The following ENTPD4 variants were observed in gnomAD, a reference collection of about 807,000 sequenced individuals.
ENTPD4 encodes the protein Golgi UDPase.
In ENTPD4, 60 loss-of-function variants were observed where a neutral mutation model predicts 79.1. That is an observed-to-expected ratio of 0.76 (90% confidence interval 0.62 to 0.94). The LOEUF (loss-of-function observed/expected upper bound fraction) is 0.94, where lower values mean the gene tolerates loss of function less well. Ranked by LOEUF, ENTPD4 falls within the 40% of genes least tolerant of loss-of-function variation. The pLI, the probability that ENTPD4 is intolerant of heterozygous loss-of-function variation, is 0.00. For missense variants in ENTPD4, 772 were observed against 775.1 expected, an observed-to-expected ratio of 1.00 and a Z score of 0.05; for synonymous variants, 276 against 292.0, an observed-to-expected ratio of 0.95 and a Z score of 0.56.
At chr8:23,444,721 T>C (rs933472235) in intron 4 of ENTPD4, 115 bp from the exon 5 acceptor site, 4 of 865,938 alleles carry the variant, frequency 4.6e-6, no homozygotes, top group African/African-American at 1.7e-5. Context: ...TTCCTTAGTT[T>C]TTCCTATCCT....
intron 1 of ENTPD4, among the ~76,000 whole-genome samples, chr8:23,453,900 C>A (rs573998026): frequency 6.6e-6 from 1 of 152,272 alleles, no homozygotes; most frequent in African/African-American, 2.4e-5. Flanking sequence ...TACATTTATG[C>A]AATGGAATAC....
intron 1 of ENTPD4, among the ~76,000 whole-genome samples, chr8:23,450,946 C>T (rs1039440699): frequency 6.6e-5 from 10 of 152,202 alleles, no homozygotes; most frequent in African/African-American, 2.2e-4. Context: ...TCCCACCAAG[C>T]TACACAAATC....
intron 1 of ENTPD4, among the ~76,000 whole-genome samples, chr8:23,451,022 CTT>C (rs34914268): frequency 8.7e-4 from 110 of 126,872 alleles, no homozygotes; most frequent in East Asian, 2.4e-3. Context: ...TTTTTCTTTT[CTT>C]TTTTTTTTTT....
At position 23,433,167 on chromosome 8, in the gene ENTPD4, A is replaced by T. The variant is rs368598181; in HGVS notation, c.1623-13T>A. On this transcript the variant is annotated splice_polypyrimidine_tract_variant and intron_variant, in intron 12 of 12. Transcript: ENST00000358689. ...CTGCTGGATGTCTCTGCCCATGTGA[A>T]CACCAAACAACAAACAGGACAGTAA... The T allele has an allele frequency of 6.2e-7, 1 of 1,611,430 alleles. No homozygotes were observed. Among genetic ancestry groups the T allele is most frequent in the African/African-American group, 1.3e-5 (1 of 74,842 alleles).
chr8:23,444,677 G>C, intron 4 of ENTPD4, 71 bp from the exon 5 acceptor site: 2 of 1,380,420 alleles, frequency 1.4e-6, no homozygotes, highest in Non-Finnish European at 2.0e-6. Context: ...CTTCAGAGTG[G>C]CTAATTTTAG....
In ENTPD4 at chr8:23,432,494, TA is replaced by T; in HGVS notation, c.*431del. 1.0e-6 allele frequency: 1 copy of T among 977,960 alleles called. No homozygotes were observed. Among genetic ancestry groups the T allele is most frequent in the Non-Finnish European group, 1.2e-6 (1 of 831,400 alleles). The allele number at this position is 977,960 out of a possible 1,614,324, so 60.6% of individuals were successfully genotyped here. On this transcript the variant is annotated 3_prime_UTR_variant, in exon 13 of 13. Transcript: ENST00000358689. The stretch of plus-strand genomic sequence containing the variant: ...CAATACTTCTAGACAGCAGGGCTTA[TA>T]AACAATGCATTTTTTTTTTTTGAGA...
rs1585398793 is a variant in ENTPD4 at position 23,432,970 on chromosome 8, T to C, written c.1807A>G (p.Met603Val). 2.5e-6 allele frequency: 4 copies of C among 1,612,928 alleles called. No homozygotes were observed. Among genetic ancestry groups the C allele is most frequent in the Middle Eastern group, 1.7e-4 (1 of 6,058 alleles). Residue 603 changes from methionine (M) to valine (V), a missense_variant, in exon 13 of 13, where the codon ATG becomes GTG. Transcript: ENST00000358689. The stretch of plus-strand genomic sequence containing the variant: ...TTCTGGGCGGGAAGGCCCTCCTCCA[T>C]CCAGAGGGCGGCGGCCGAGCTGCTC... ...PRSSSAAALW[M>V]EEGLPAQNAP... is the part of the protein sequence containing the mutation.
Position 23,430,868 on chromosome 8 carries a change from GT to G in ENTPD4, c.*2057del. ...CAATAATCCATGGCTCCTCCAGGAA[GT>G]GTCGCAGGCAGGTGGCCAAGACCAA... On this transcript the variant is annotated 3_prime_UTR_variant, in exon 13 of 13. Coordinates refer to ENST00000358689, the MANE Select transcript of ENTPD4 (RefSeq NM_004901.5). 2 of 985,508 alleles carry G rather than the reference GT, an allele frequency of 2.0e-6. No individual in the cohort carries two copies. Among genetic ancestry groups the G allele is most frequent in the Non-Finnish European group, 2.4e-6 (2 of 830,012 alleles). 61.0% of individuals were successfully genotyped at this position (985,508 alleles called of 1,614,324 possible). A position where few individuals can be genotyped will look rare whatever the true frequency, so the allele number is the denominator to read the frequency against.
intron 2 of ENTPD4, 21 bp downstream of exon 2, chr8:23,449,872 G>T: frequency 6.2e-7 from 1 of 1,604,498 alleles, no homozygotes; most frequent in Non-Finnish European, 8.5e-7. Flanking sequence ...ATGTTTCATG[G>T]TGATTAGGCC....
At position 23,431,615 on chromosome 8, in the gene ENTPD4, C is replaced by T. The variant is rs923380606; in HGVS notation, c.*1311G>A. 5.1e-6 allele frequency: 5 copies of T among 985,250 alleles called. No homozygotes were observed. The highest frequency in any genetic ancestry group is 4.7e-5 in the South Asian group (1 of 21,282). 61.0% of individuals were successfully genotyped at this position (985,250 alleles called of 1,614,324 possible). A position where few individuals can be genotyped will look rare whatever the true frequency, so the allele number is the denominator to read the frequency against. On this transcript the variant is annotated 3_prime_UTR_variant, in exon 13 of 13. Coordinates refer to ENST00000358689, the MANE Select transcript of ENTPD4 (RefSeq NM_004901.5). ...CTGCCAGCAACAGCCTCAGTCAATG[C>T]GGTTAGGAAGAGGACTCGGCAGGCT...
intron 6 of ENTPD4, 46 bp downstream of exon 6, chr8:23,443,804 A>G: frequency 8.4e-7 from 1 of 1,186,440 alleles, no homozygotes; most frequent in Non-Finnish European, 1.3e-6. Context: ...GGGAGGATTT[A>G]AAGGAACAGC....
At chr8:23,451,116 G>A (rs532230040) in intron 1 of ENTPD4, among the ~76,000 whole-genome samples, 1 of 151,634 alleles carries the variant, frequency 6.6e-6, no homozygotes, top group South Asian at 2.1e-4. Flanking sequence ...CCTCCTCCCA[G>A]GTTAAAGCGA....
chr8:23,435,643 A>G (rs1299469062), intron 10 of ENTPD4, among the ~76,000 whole-genome samples, 166 bp from the exon 11 acceptor site: 1 of 152,252 alleles, frequency 6.6e-6, no homozygotes, highest in Non-Finnish European at 1.5e-5. Flanking sequence ...CACTCAGGGA[A>G]TACTTACTGA....
At chr8:23,443,248 A>G (rs1800705235) in intron 6 of ENTPD4, among the ~76,000 whole-genome samples, 1 of 152,144 alleles carries the variant, frequency 6.6e-6, no homozygotes, top group Non-Finnish European at 1.5e-5. Flanking sequence ...AAACCCTCAT[A>G]GAACAGCTAA....
At position 23,431,174 on chromosome 8, in the gene ENTPD4, C is replaced by T; in HGVS notation, c.*1752G>A. Reference sequence around the variant, plus strand: ...CTTCTGATCCCTCAGCAGAACTGCCCCTAATGCTCAGTTCATGGCAATACA... The same window carrying T: ...CTTCTGATCCCTCAGCAGAACTGCCTCTAATGCTCAGTTCATGGCAATACA... On this transcript the variant is annotated 3_prime_UTR_variant, in exon 13 of 13. Transcript: ENST00000358689. 5.5e-6 allele frequency: 2 copies of T among 363,898 alleles called. No homozygotes were observed. Among genetic ancestry groups the T allele is most frequent in the Non-Finnish European group, 7.6e-6 (2 of 262,246 alleles). The allele number at this position is 363,898 out of a possible 1,614,324, so 22.5% of individuals were successfully genotyped here. A position where few individuals can be genotyped will look rare whatever the true frequency, so the allele number is the denominator to read the frequency against.
chr8:23,437,634 C>T (rs998074710), intron 9 of ENTPD4, among the ~76,000 whole-genome samples: 27 of 152,324 alleles, frequency 1.8e-4, no homozygotes, highest in Admixed American at 5.2e-4. Context: ...AGGAACGTGA[C>T]TGTGACAAGA....
intron 4 of ENTPD4, among the ~76,000 whole-genome samples, 186 bp from the exon 5 acceptor site, chr8:23,444,792 C>T (rs1483179297): frequency 6.6e-5 from 10 of 152,194 alleles, no homozygotes; most frequent in African/African-American, 2.4e-4. Context: ...GTGCTATGTC[C>T]TTTTCTTCTT....
At chr8:23,450,286 T>C (rs1212883094) in intron 1 of ENTPD4, among the ~76,000 whole-genome samples, 1 of 152,228 alleles carries the variant, frequency 6.6e-6, no homozygotes, top group Non-Finnish European at 1.5e-5. Context: ...AAATACCTTA[T>C]GGTACAAGGG....
intron 1 of ENTPD4, among the ~76,000 whole-genome samples, chr8:23,450,830 A>T (rs1343211058): frequency 6.6e-6 from 1 of 152,066 alleles, no homozygotes; most frequent in Non-Finnish European, 1.5e-5. Flanking sequence ...TCTCTATCTG[A>T]ATGTTGCACA....
Sources: gnomAD v4.1 joint callset for allele counts (sites outside exome capture counted in the v4.1 genomes callset) on GRCh38, gnomAD v4.1.1 for gene constraint, MANE v1.5 for transcripts, NCBI Gene and HGNC (gene_info 2026-07-23, HGNC 2026-07-21) for gene names.